Variants in KCNE4 observed in about 807,000 individuals in gnomAD.
KCNE4 encodes potassium voltage-gated channel subfamily E member 4.
Under a neutral mutation model 9.2 loss-of-function variants are expected in KCNE4, and 6 were observed. The ratio of observed to expected loss-of-function variants is 0.65; its 90% confidence interval spans 0.36 to 1.29. The LOEUF is 1.29. Among genes scored for constraint, KCNE4 ranks in the 50% most tolerant of loss-of-function variants. KCNE4 has a pLI of 0.03. For synonymous variants in KCNE4, 115 were observed against 103.2 expected (o/e 1.11, Z -0.70); for missense variants, 222 against 228.8 (o/e 0.97, Z 0.19).
rs1216505996 is a variant in KCNE4 at position 223,053,153 on chromosome 2, G to A, written c.323G>A (p.Ser108Asn). 10 of 1,611,822 alleles carry A rather than the reference G, an allele frequency of 6.2e-6. No individual in the cohort carries two copies. The highest frequency in any genetic ancestry group is 2.2e-5 in the South Asian group (2 of 91,036). The change falls in exon 2 of 2, where the codon AGC (serine) becomes AAC (asparagine). Residue 108 changes from serine (S) to asparagine (N), a missense_variant. Transcript: ENST00000281830. This position sits in a 1 kb window ranked among gnomAD's most constrained non-coding sequence, Gnocchi z 4.1. ...CTGATGCTGAACATGCTGCAGGAGAGCGTGGCGCCCGCGCTGTCCTGCACC... is the reference window on the plus strand; with the variant it reads ...CTGATGCTGAACATGCTGCAGGAGAACGTGGCGCCCGCGCTGTCCTGCACC... ...VPLMLNMLQE[S>N]VAPALSCTLC...
Position 223,054,645 on chromosome 2 carries a change from C to T in KCNE4, c.*1302C>T, listed in dbSNP as rs1207043496. On this transcript the variant is annotated 3_prime_UTR_variant, in exon 2 of 2. Transcript: ENST00000281830. ...GGAAAGAGGCAGACACCACATTCTC[C>T]TCTGCAAAGTTCTCTGGAGAATGTG... 1 of 166,992 alleles carries T rather than the reference C, an allele frequency of 6.0e-6. No homozygotes were observed. The highest frequency in any genetic ancestry group is 1.5e-5 in the Non-Finnish European group (1 of 68,128). The allele number at this position is 166,992 out of a possible 1,614,324, so 10.3% of individuals were successfully genotyped here. A position where few individuals can be genotyped will look rare whatever the true frequency, so the allele number is the denominator to read the frequency against.
Position 223,052,195 on chromosome 2 carries a change from G to A in KCNE4, c.-103G>A, listed in dbSNP as rs1698704714. On this transcript the variant is annotated 5_prime_UTR_variant, in exon 1 of 2. Transcript: ENST00000281830. Reference sequence around the variant, plus strand: ...ACTGCAGCAGCGGAGTTGTCAGAGCGCAGAGCCGGACAGAGCAGAAGAACC... The same window carrying A: ...ACTGCAGCAGCGGAGTTGTCAGAGCACAGAGCCGGACAGAGCAGAAGAACC... 2.4e-6 allele frequency: 3 copies of A among 1,232,370 alleles called. No individual in the cohort carries two copies. The South Asian group carries it at 1.2e-4, about 51-fold the overall frequency. 76.3% of individuals were successfully genotyped at this position (1,232,370 alleles called of 1,614,324 possible).
Position 223,053,202 on chromosome 2 carries a change from C to T in KCNE4, c.372C>T (p.Ser124=). Residue 124 remains serine, a synonymous_variant, in exon 2 of 2, where the codon AGC becomes AGT. Coordinates refer to ENST00000281830, the MANE Select transcript of KCNE4 (RefSeq NM_080671.4). This position sits in a 1 kb window ranked among gnomAD's most constrained non-coding sequence, Gnocchi z 4.1. ...SCTLCSMEGD[S]VSSESSSPDV... is the part of the protein sequence containing the mutation. The stretch of plus-strand genomic sequence containing the variant: ...CCCTCTGTTCCATGGAAGGGGACAG[C>T]GTGAGCTCCGAGTCCTCCTCCCCGG... 6.2e-7 allele frequency: 1 copy of T among 1,612,516 alleles called. No homozygotes were observed. The highest frequency in any genetic ancestry group is 8.5e-7 in the Non-Finnish European group (1 of 1,178,996).
rs184976487 is a variant in KCNE4, at chr2:223,053,062, C to G, written c.232C>G (p.Arg78Gly). Residue 78 changes from arginine (R) to glycine (G), a missense_variant, in exon 2 of 2, where the codon CGG becomes GGG. Transcript: ENST00000281830. This position sits in a 1 kb window ranked among gnomAD's most constrained non-coding sequence, Gnocchi z 4.1. ...CCTGCTGCTGTACAAAGACGAGGAG[C>G]GGCTCTGGGGGGAGGCCATGAAGCC... ...SLLLLYKDEE[R>G]LWGEAMKPLP... 3.1e-6 allele frequency: 5 copies of G among 1,614,048 alleles called. No individual in the cohort carries two copies. Among genetic ancestry groups the G allele is most frequent in the Non-Finnish European group, 4.2e-6 (5 of 1,179,998 alleles).
At position 223,053,105 on chromosome 2, in the gene KCNE4, G is replaced by C. The variant is rs1196499129; in HGVS notation, c.275G>C (p.Gly92Ala). The C allele has an allele frequency of 6.2e-7, 1 of 1,613,742 alleles. No individual in the cohort carries two copies. Among genetic ancestry groups the C allele is most frequent in the African/African-American group, 1.3e-5 (1 of 74,940 alleles). ...EAMKPLPVVS[G>A]LRSVQVPLML... The stretch of plus-strand genomic sequence containing the variant: ...ATGAAGCCGCTGCCTGTGGTGTCGG[G>C]CCTGAGGTCGGTGCAGGTGCCCCTG... Residue 92 changes from glycine to alanine, a missense_variant, in exon 2 of 2, where the codon GGC becomes GCC. Coordinates refer to ENST00000281830, the MANE Select transcript of KCNE4 (RefSeq NM_080671.4). The surrounding 1 kb of genome is among the most constrained non-coding windows in gnomAD (Gnocchi z 4.1).
chr2:223,052,571 TAAA>T (rs71906281), intron 1 of KCNE4, among the ~76,000 whole-genome samples: 3 of 131,994 alleles, frequency 2.3e-5, no homozygotes, highest in Non-Finnish European at 4.7e-5. Flanking sequence ...ATGTGTACAC[TAAA>T]AAAAAAAAAA....
rs1269309712 is a variant in KCNE4 at position 223,054,695 on chromosome 2, GA to G, written c.*1355del. ...GTGATGTTAACACTCCCAGCTAAGG[GA>G]AAGCAAAGTCTAAAGGAAAACACAC... is the stretch of plus-strand genomic sequence containing the variant. On this transcript the variant is annotated 3_prime_UTR_variant, in exon 2 of 2. Coordinates refer to ENST00000281830, the MANE Select transcript of KCNE4 (RefSeq NM_080671.4). 6.0e-6 allele frequency: 1 copy of G among 166,974 alleles called. No homozygotes were observed. Among genetic ancestry groups the G allele is most frequent in the East Asian group, 1.9e-4 (1 of 5,194 alleles). 10.3% of individuals were successfully genotyped at this position (166,974 alleles called of 1,614,324 possible).
Position 223,053,453 on chromosome 2 carries a change from A to G in KCNE4, c.*110A>G. On this transcript the variant is annotated 3_prime_UTR_variant, in exon 2 of 2. Transcript: ENST00000281830. This position sits in a 1 kb window ranked among gnomAD's most constrained non-coding sequence, Gnocchi z 4.1. ...TCACAGTGCGGCTGCCACTTTGAAG[A>G]GACCCTTGGTAAACCCCTGATTCGG... is the stretch of plus-strand genomic sequence containing the variant. 8.6e-7 allele frequency: 1 copy of G among 1,156,290 alleles called. No homozygotes were observed. The highest frequency in any genetic ancestry group is 2.0e-5 in the Admixed American group (1 of 50,308). The allele number at this position is 1,156,290 out of a possible 1,614,324, so 71.6% of individuals were successfully genotyped here.
In KCNE4 at chr2:223,053,150, A is replaced by G. The variant is rs749676368; in HGVS notation, c.320A>G (p.Glu107Gly). ...QVPLMLNMLQESVAPALSCTL... is the reference protein window; with the variant it reads ...QVPLMLNMLQGSVAPALSCTL... ...CCCCTGATGCTGAACATGCTGCAGG[A>G]GAGCGTGGCGCCCGCGCTGTCCTGC... Residue 107 changes from glutamate to glycine, a missense_variant, in exon 2 of 2, where the codon GAG becomes GGG. Coordinates refer to ENST00000281830, the MANE Select transcript of KCNE4 (RefSeq NM_080671.4). The surrounding 1 kb of genome is among the most constrained non-coding windows in gnomAD (Gnocchi z 4.1). 4 of 1,612,102 alleles carry G rather than the reference A, an allele frequency of 2.5e-6. No individual in the cohort carries two copies. In the Admixed American group the frequency reaches 6.7e-5, roughly 27 times the overall value.
At position 223,053,486 on chromosome 2, in the gene KCNE4, TG is replaced by T. The variant is rs1698726527; in HGVS notation, c.*148del. The T allele has an allele frequency of 1.1e-6, 1 of 899,902 alleles. No homozygotes were observed. The highest frequency in any genetic ancestry group is 1.8e-6 in the Non-Finnish European group (1 of 563,776). 55.7% of individuals were successfully genotyped at this position (899,902 alleles called of 1,614,324 possible). On this transcript the variant is annotated 3_prime_UTR_variant, in exon 2 of 2. Transcript: ENST00000281830. This position sits in a 1 kb window ranked among gnomAD's most constrained non-coding sequence, Gnocchi z 4.1. ...GGTAAACCCCTGATTCGGGGTGGGGTGGGGGACTAGGCTCAGCCGGAACCAG... is the reference window on the plus strand; with the variant it reads ...GGTAAACCCCTGATTCGGGGTGGGGTGGGGACTAGGCTCAGCCGGAACCAG...
In KCNE4 at chr2:223,053,089, C is replaced by A; in HGVS notation, c.259C>A (p.Leu87Met). The A allele has an allele frequency of 6.2e-7, 1 of 1,613,996 alleles. No individual in the cohort carries two copies. The highest frequency in any genetic ancestry group is 8.5e-7 in the Non-Finnish European group (1 of 1,179,996). ...ERLWGEAMKP[L>M]PVVSGLRSVQ... ...GCTCTGGGGGGAGGCCATGAAGCCG[C>A]TGCCTGTGGTGTCGGGCCTGAGGTC... The change falls in exon 2 of 2, where the codon CTG becomes ATG. Residue 87 changes from leucine to methionine, a missense_variant. Leu to Met is a conservative substitution (Grantham distance 15). Transcript: ENST00000281830. This position sits in a 1 kb window ranked among gnomAD's most constrained non-coding sequence, Gnocchi z 4.1.
Position 223,053,002 on chromosome 2 carries a change from A to G in KCNE4, c.172A>G (p.Met58Val), listed in dbSNP as rs754810275. The G allele has an allele frequency of 1.7e-5, 28 of 1,614,210 alleles. 1 individual carries two copies. In the East Asian group the frequency reaches 4.2e-4, roughly 24 times the overall value. ...CTTGATCGGAATCATGCTGGGCTACATGAAATCCAAGAGGCGGGAGAAGAA... is the reference window on the plus strand; with the variant it reads ...CTTGATCGGAATCATGCTGGGCTACGTGAAATCCAAGAGGCGGGAGAAGAA... ...IFLIGIMLGY[M>V]KSKRREKKSS... The change falls in exon 2 of 2, where the codon ATG becomes GTG. Residue 58 changes from methionine to valine, a missense_variant. By Grantham distance (21) the Met-to-Val change is conservative. Transcript: ENST00000281830. The surrounding 1 kb of genome is among the most constrained non-coding windows in gnomAD (Gnocchi z 4.1).
chr2:223,054,145 GT>G lies in KCNE4; in HGVS notation c.*804del, dbSNP rs1698734106. 6.0e-6 allele frequency: 1 copy of G among 167,092 alleles called. No individual in the cohort carries two copies. The highest frequency in any genetic ancestry group is 2.1e-4 in the South Asian group (1 of 4,820). The allele number at this position is 167,092 out of a possible 1,614,324, so 10.4% of individuals were successfully genotyped here. Reference sequence around the variant, plus strand: ...ATCTTTCTAGAAGGGGTAAAGTGGGGTTGAACAAGGCCAAGCCGTTAGCTCT... The same window carrying G: ...ATCTTTCTAGAAGGGGTAAAGTGGGGTGAACAAGGCCAAGCCGTTAGCTCT... On this transcript the variant is annotated 3_prime_UTR_variant, in exon 2 of 2. Coordinates refer to ENST00000281830, the MANE Select transcript of KCNE4 (RefSeq NM_080671.4).
Position 223,052,667 on chromosome 2 carries a change from C to G in KCNE4, c.-23-141C>G, listed in dbSNP as rs1012071203. 6.6e-6 allele frequency: 6 copies of G among 914,478 alleles called. No homozygotes were observed. In the Admixed American group the frequency reaches 1.2e-4, roughly 18 times the overall value. 56.6% of individuals were successfully genotyped at this position (914,478 alleles called of 1,614,324 possible). The stretch of plus-strand genomic sequence containing the variant: ...AGCCCTCATAGCTCACTCTTGTCAG[C>G]TGTTTGGCGAACCCTCTTATGCTAT... On this transcript the variant is annotated intron_variant, in intron 1 of 1. Transcript: ENST00000281830.
chr2:223,052,360 ATTTTC>A, intron 1 of KCNE4, 86 bp downstream of exon 1: 1 of 1,004,126 alleles, frequency 1.0e-6, no homozygotes, highest in Non-Finnish European at 1.3e-6. Context: ...TTTTTCCTTT[ATTTTC>A]TTCCTGCTTT....
chr2:223,053,369 T>C lies in KCNE4; in HGVS notation c.*26T>C, dbSNP rs775272763. On this transcript the variant is annotated 3_prime_UTR_variant, in exon 2 of 2. Transcript: ENST00000281830. The surrounding 1 kb of genome is among the most constrained non-coding windows in gnomAD (Gnocchi z 4.1). ...CACCCCCGGGACCCCTGCCGGTGGC[T>C]CCATCAGCCAGCAACCTTAGAGAGA... The C allele has an allele frequency of 1.9e-6, 3 of 1,599,002 alleles. No individual in the cohort carries two copies. Among genetic ancestry groups the C allele is most frequent in the Non-Finnish European group, 1.7e-6 (2 of 1,169,542 alleles).
chr2:223,052,572 A>AAAC (rs1935981556), intron 1 of KCNE4, among the ~76,000 whole-genome samples: 1 of 6,080 alleles, frequency 1.6e-4, no homozygotes, highest in Non-Finnish European at 3.8e-4. Flanking sequence ...TGTGTACACT[A>AAAC]AAAAAAAAAA....
Position 223,053,936 on chromosome 2 carries a change from C to A in KCNE4, c.*593C>A, listed in dbSNP as rs1405829319. 1.2e-5 allele frequency: 2 copies of A among 169,584 alleles called. No homozygotes were observed. Among genetic ancestry groups the A allele is most frequent in the East Asian group, 3.8e-4 (2 of 5,266 alleles). 10.5% of individuals were successfully genotyped at this position (169,584 alleles called of 1,614,324 possible). On this transcript the variant is annotated 3_prime_UTR_variant, in exon 2 of 2. Transcript: ENST00000281830. This position sits in a 1 kb window ranked among gnomAD's most constrained non-coding sequence, Gnocchi z 4.1. ...ATAAGAAAAAAAAGTAACTTTTAAA[C>A]CTGTTAACATTGGCCGGGGTTATAA...
Position 223,052,813 on chromosome 2 carries a change from G to A in KCNE4, c.-18G>A, listed in dbSNP as rs748315304. The A allele has an allele frequency of 6.8e-6, 11 of 1,608,094 alleles. No individual in the cohort carries two copies. The highest frequency in any genetic ancestry group is 1.3e-5 in the African/African-American group (1 of 74,888). Reference sequence around the variant, plus strand: ...ACCTGCGGCTTTTTCCCCAGCCCCTGCTGTGGAGGCAGCCTCAATGCTGAA... The same window carrying A: ...ACCTGCGGCTTTTTCCCCAGCCCCTACTGTGGAGGCAGCCTCAATGCTGAA... On this transcript the variant is annotated 5_prime_UTR_variant, in exon 2 of 2. Coordinates refer to ENST00000281830, the MANE Select transcript of KCNE4 (RefSeq NM_080671.4).
Sources: gnomAD v4.1 joint callset for allele counts (sites outside exome capture counted in the v4.1 genomes callset) on GRCh38, gnomAD v4.1.1 for gene constraint, Gnocchi (gnomAD v3.1) non-coding constraint, MANE v1.5 for transcripts, NCBI Gene and HGNC (gene_info 2026-07-23, HGNC 2026-07-21) for gene names.